Variants in GPC6 observed in about 807,000 individuals in gnomAD.
The protein encoded by GPC6 is glypican 6.
In GPC6, 14 loss-of-function variants were observed where a neutral mutation model predicts 55.2. That is an observed-to-expected ratio of 0.25 (90% confidence interval 0.17 to 0.40). The LOEUF is 0.40. Ranked by LOEUF, GPC6 falls within the 10% of genes least tolerant of loss-of-function variation. The pLI is 1.00. For synonymous variants in GPC6, 278 were observed against 259.6 expected, an observed-to-expected ratio of 1.07 and a Z score of -0.68; for missense variants, 641 against 708.5, an observed-to-expected ratio of 0.90 and a Z score of 1.08.
chr13:93,545,977 C>A (rs921800625), intron 2 of GPC6, among the ~76,000 whole-genome samples: 1 of 152,136 alleles, frequency 6.6e-6, no homozygotes, highest in African/African-American at 2.4e-5. Flanking sequence ...TTTCTATATT[C>A]TATTTGTTAA....
intron 1 of GPC6, among the ~76,000 whole-genome samples, chr13:93,319,065 C>T (rs1879340820): frequency 6.6e-6 from 1 of 152,086 alleles, no homozygotes; most frequent in Admixed American, 6.6e-5. Context: ...CTTCCGATAG[C>T]ACTGGCAGAC....
At chr13:93,736,514 G>T (rs986686857) in intron 2 of GPC6, among the ~76,000 whole-genome samples, 3 of 152,042 alleles carry the variant, frequency 2.0e-5, no homozygotes, top group African/African-American at 7.2e-5. Flanking sequence ...AATTGATAGG[G>T]GTAGGAGATG....
intron 3 of GPC6, among the ~76,000 whole-genome samples, chr13:94,017,129 G>A (rs1183306688): frequency 6.6e-6 from 1 of 152,134 alleles, no homozygotes; most frequent in Non-Finnish European, 1.5e-5. Context: ...CACCGTGCCT[G>A]GCCAGTTTTC....
At chr13:93,736,907 G>C (rs557357449) in intron 2 of GPC6, among the ~76,000 whole-genome samples, 1 of 152,230 alleles carries the variant, frequency 6.6e-6, no homozygotes, top group African/African-American at 2.4e-5. Context: ...GCCCACTTCT[G>C]TTAGCTAAAC....
intron 1 of GPC6, among the ~76,000 whole-genome samples, chr13:93,401,110 A>G (rs978396207): frequency 6.6e-6 from 1 of 151,554 alleles, no homozygotes; most frequent in Admixed American, 6.6e-5. Flanking sequence ...GTCTTCTCCC[A>G]CCAGAAATCA....
chr13:93,828,771 G>A (rs1358749865), intron 2 of GPC6, among the ~76,000 whole-genome samples: 1 of 152,068 alleles, frequency 6.6e-6, no homozygotes, highest in Non-Finnish European at 1.5e-5. Flanking sequence ...TTTCATTGCT[G>A]CTTTGGTCTG....
chr13:93,318,341 G>A (rs2139118949), intron 1 of GPC6, among the ~76,000 whole-genome samples: 1 of 152,058 alleles, frequency 6.6e-6, no homozygotes, highest in East Asian at 1.9e-4. Context: ...TTTTTATTTT[G>A]AATAATGAGG....
chr13:93,515,335 G>A (rs1036319483), intron 1 of GPC6, among the ~76,000 whole-genome samples: 1 of 152,122 alleles, frequency 6.6e-6, no homozygotes, highest in East Asian at 1.9e-4. Flanking sequence ...CCTGAACTAA[G>A]ACATTAATCT....
At chr13:93,416,384 T>C (rs1876697355) in intron 1 of GPC6, among the ~76,000 whole-genome samples, 1 of 152,142 alleles carries the variant, frequency 6.6e-6, no homozygotes, top group South Asian at 2.1e-4. Flanking sequence ...TTGATTCTTC[T>C]TTAATGTAAT....
chr13:94,058,023 A>G (rs1339663748), intron 4 of GPC6, among the ~76,000 whole-genome samples: 2 of 152,210 alleles, frequency 1.3e-5, no homozygotes, highest in African/African-American at 2.4e-5. Flanking sequence ...TATCATAAGC[A>G]TATTCAAAGG....
chr13:93,474,366 C>A (rs1055703055), intron 1 of GPC6, among the ~76,000 whole-genome samples: 9 of 152,040 alleles, frequency 5.9e-5, no homozygotes, highest in African/African-American at 1.7e-4. Flanking sequence ...TAGATGAGCC[C>A]AGGTGTTTAT....
intron 1 of GPC6, among the ~76,000 whole-genome samples, chr13:93,431,045 T>C (rs1471503505): frequency 6.6e-6 from 1 of 152,140 alleles, no homozygotes; most frequent in African/African-American, 2.4e-5. Flanking sequence ...ATTATTTATT[T>C]TGTTTTTTAT....
At chr13:93,600,134 C>A (rs979810109) in intron 2 of GPC6, among the ~76,000 whole-genome samples, 6 of 152,154 alleles carry the variant, frequency 3.9e-5, no homozygotes, top group Admixed American at 3.9e-4. Flanking sequence ...TACTATGTAA[C>A]TTATAACAAA....
intron 3 of GPC6, among the ~76,000 whole-genome samples, chr13:93,895,219 T>A (rs1875924033): frequency 1.5e-5 from 1 of 66,790 alleles, no homozygotes; most frequent in Non-Finnish European, 2.9e-5. Flanking sequence ...TGTGTGTGTA[T>A]GTATGTGTGT....
At chr13:93,361,138 C>T (rs1594118527) in intron 1 of GPC6, among the ~76,000 whole-genome samples, 1 of 152,154 alleles carries the variant, frequency 6.6e-6, no homozygotes, top group East Asian at 1.9e-4. Flanking sequence ...TAGCCCTAAG[C>T]TGCTGTGCCC....
At chr13:93,438,731 T>C (rs1443061900) in intron 1 of GPC6, among the ~76,000 whole-genome samples, 1 of 152,158 alleles carries the variant, frequency 6.6e-6, no homozygotes, top group South Asian at 2.1e-4. Flanking sequence ...AGATATACAA[T>C]ATTACATAAG....
intron 4 of GPC6, among the ~76,000 whole-genome samples, chr13:94,228,122 C>G (rs186290640): frequency 2.0e-5 from 3 of 152,302 alleles, no homozygotes; most frequent in Middle Eastern, 3.4e-3. Flanking sequence ...CCAACTTAAG[C>G]TGCATTGTAG....
intron 4 of GPC6, among the ~76,000 whole-genome samples, chr13:94,046,437 G>A (rs570354843): frequency 6.6e-6 from 1 of 152,110 alleles, no homozygotes; most frequent in Non-Finnish European, 1.5e-5. Flanking sequence ...CTTATTGTGT[G>A]GACATGCCTC....
At chr13:94,220,262 T>C (rs953562554) in intron 4 of GPC6, among the ~76,000 whole-genome samples, 1 of 152,120 alleles carries the variant, frequency 6.6e-6, no homozygotes, top group South Asian at 2.1e-4. Flanking sequence ...CTCACATACG[T>C]TCCAAGTCCT....
Sources: gnomAD v4.1 joint callset for allele counts (sites outside exome capture counted in the v4.1 genomes callset) on GRCh38, gnomAD v4.1.1 for gene constraint, MANE v1.5 for transcripts, NCBI Gene and HGNC (gene_info 2026-07-23, HGNC 2026-07-21) for gene names.